PALLD: variants seen among roughly 807,000 people sequenced by gnomAD.
PALLD encodes palladin.
In PALLD, 61 loss-of-function variants were observed where a neutral mutation model predicts 123.5. The ratio of observed to expected loss-of-function variants is 0.49; its 90% confidence interval spans 0.40 to 0.61. The LOEUF (loss-of-function observed/expected upper bound fraction) is 0.61, where lower values mean the gene tolerates loss of function less well. PALLD is among the 20% of genes least tolerant of loss of function. PALLD has a pLI of 0.00. For synonymous variants in PALLD, 465 were observed against 496.4 expected (o/e 0.94, Z 0.84); for missense variants, 1,273 against 1,377.0 (o/e 0.92, Z 1.20).
intron 2 of PALLD, among the ~76,000 whole-genome samples, chr4:168,626,046 G>A (rs1030311714): frequency 4.0e-5 from 6 of 151,596 alleles, no homozygotes; most frequent in Admixed American, 2.0e-4. Flanking sequence ...GGCGGATCAC[G>A]AGGTCAGGAG....
intron 2 of PALLD, among the ~76,000 whole-genome samples, chr4:168,640,440 A>G (rs530959886): frequency 1.7e-4 from 26 of 152,268 alleles, no homozygotes; most frequent in Admixed American, 1.3e-3. Flanking sequence ...CTTCTCCCTC[A>G]TGGCTCCAGG....
Position 168,637,943 on chromosome 4 carries a change from CAAAAAAAAA to C in PALLD, c.909-30230_909-30222del, listed in dbSNP as rs11416996. The stretch of plus-strand genomic sequence containing the variant: ...TGAGCAACAGAGGGAGAATACATCT[CAAAAAAAAA>C]AAAAAAAAAAAAAAAATTCTGAGGA... On this transcript the variant is annotated intron_variant, in intron 2 of 21. Coordinates refer to ENST00000505667, the MANE Select transcript of PALLD (RefSeq NM_001166108.2). 9.9e-5 allele frequency among the ~76,000 whole-genome samples: 6 copies of C among 60,444 alleles called. No homozygotes were observed. The East Asian group carries it at 2.2e-3, about 22-fold the overall frequency. 39.7% of individuals were successfully genotyped at this position (60,444 alleles called of 152,430 possible).
chr4:168,535,239 T>C (rs1386692870), intron 2 of PALLD, among the ~76,000 whole-genome samples: 1 of 152,194 alleles, frequency 6.6e-6, no homozygotes, highest in Non-Finnish European at 1.5e-5. Flanking sequence ...ATTATTTCCT[T>C]ATGTAGGTTT....
At chr4:168,888,498 C>T (rs867211013) in intron 10 of PALLD, among the ~76,000 whole-genome samples, 3 of 152,152 alleles carry the variant, frequency 2.0e-5, no homozygotes, top group South Asian at 2.1e-4. Context: ...TATGGGTTCT[C>T]CTCTTACAGT....
In PALLD at chr4:168,512,049, T is replaced by C; in HGVS notation, c.545T>C (p.Ile182Thr). The part of the protein sequence containing the change: ...AANLIEELTS[I>T]FKAAKPRNRS... ...AATTTAATTGAGGAGCTAACATCCA[T>C]ATTTAAAGCCGCAAAGCCAAGAAAC... The change falls in exon 2 of 22, where the codon ATA (isoleucine) becomes ACA (threonine). Residue 182 changes from isoleucine to threonine, a missense_variant. This residue lies in a region of PALLD where 944 missense variants were observed against 954.5 expected (regional missense o/e 0.99). Transcript: ENST00000505667. 3.1e-6 allele frequency: 5 copies of C among 1,614,178 alleles called. No homozygotes were observed. The highest frequency in any genetic ancestry group is 4.2e-6 in the Non-Finnish European group (5 of 1,180,036).
chr4:168,559,948 G>A (rs1767702615), intron 2 of PALLD, among the ~76,000 whole-genome samples: 1 of 151,978 alleles, frequency 6.6e-6, no homozygotes, highest in Non-Finnish European at 1.5e-5. Flanking sequence ...ATGCAAGCAA[G>A]CAGTATATAA....
At chr4:168,805,125 C>G (rs555324362) in intron 10 of PALLD, among the ~76,000 whole-genome samples, 2 of 150,640 alleles carry the variant, frequency 1.3e-5, no homozygotes, top group African/African-American at 4.9e-5. Flanking sequence ...GCCATTACAT[C>G]TCAGCCTGGG....
At chr4:168,793,193 A>ATATATATACATATATG (rs1561529430) in intron 10 of PALLD, among the ~76,000 whole-genome samples, 3 of 94,982 alleles carry the variant, frequency 3.2e-5, no homozygotes, top group African/African-American at 1.2e-4. Context: ...ATACATATAT[A>ATATATATACATATATG]TGTGTGCATA....
chr4:168,894,933 C>T (rs1220182660), intron 12 of PALLD, among the ~76,000 whole-genome samples: 2 of 152,192 alleles, frequency 1.3e-5, no homozygotes, highest in East Asian at 1.9e-4. Context: ...CTTTCCAGTA[C>T]ATTTCCATTT....
intron 2 of PALLD, among the ~76,000 whole-genome samples, chr4:168,521,054 A>T (rs1192837963): frequency 6.6e-6 from 1 of 152,148 alleles, no homozygotes. Context: ...AAAGGTAGAG[A>T]TTTTTTAATG....
intron 1 of PALLD, among the ~76,000 whole-genome samples, chr4:168,503,539 CAGG>C (rs1359913176): frequency 6.6e-6 from 1 of 151,014 alleles, no homozygotes; most frequent in Non-Finnish European, 1.5e-5. Context: ...CCCAGCTACT[CAGG>C]AGGCTGAGGC....
In PALLD at chr4:168,867,055, C is replaced by A. The variant is rs373734589; in HGVS notation, c.1965-23867C>A. Among the ~76,000 whole-genome samples, 325 of 152,290 alleles carry A rather than the reference C, an allele frequency of 2.1e-3. 1 individual carries two copies. The highest frequency in any genetic ancestry group is 4.1e-3 in the Non-Finnish European group (276 of 68,026). ...ACGTCATGGTCATGAGCCAGAGCTC[C>A]TCAGTTTAAATCCCGTCTCCACTTC... On this transcript the variant is annotated intron_variant, in intron 10 of 21. Transcript: ENST00000505667.
At chr4:168,819,922 A>T (rs967705969) in intron 10 of PALLD, among the ~76,000 whole-genome samples, 1 of 152,260 alleles carries the variant, frequency 6.6e-6, no homozygotes, top group South Asian at 2.1e-4. Context: ...AGGGTCTCAT[A>T]AAGAGTTAAT....
At chr4:168,813,552 G>T (rs1741474383) in intron 10 of PALLD, among the ~76,000 whole-genome samples, 1 of 152,082 alleles carries the variant, frequency 6.6e-6, no homozygotes, top group African/African-American at 2.4e-5. Context: ...CAAACTCCTG[G>T]ACTCAAGCAA....
In PALLD at chr4:168,746,380, C is replaced by CAAAAAAAAAAAA. The variant is rs747755592; in HGVS notation, c.1964+34476_1964+34487dup. Among the ~76,000 whole-genome samples, 185 of 37,008 alleles carry CAAAAAAAAAAAA rather than the reference C, an allele frequency of 5.0e-3. 26 individuals carry two copies. The highest frequency in any genetic ancestry group is 6.3e-3 in the African/African-American group (82 of 12,926). 24.3% of individuals were successfully genotyped at this position (37,008 alleles called of 152,430 possible). On this transcript the variant is annotated intron_variant, in intron 10 of 21. Coordinates refer to ENST00000505667, the MANE Select transcript of PALLD (RefSeq NM_001166108.2). ...TGGGCGACAGAGCGAGAACCCGTCT[C>CAAAAAAAAAAAA]AAAAAAAAAAAAAAAAAAAAAAAAA...
chr4:168,497,392 C>G (rs1294357677), intron 1 of PALLD, among the ~76,000 whole-genome samples, 198 bp downstream of exon 1: 1 of 152,166 alleles, frequency 6.6e-6, no homozygotes. Context: ...TAAGATTTGC[C>G]TGCCCACTTC....
At chr4:168,801,755 G>T (rs192325373) in intron 10 of PALLD, among the ~76,000 whole-genome samples, 1 of 152,148 alleles carries the variant, frequency 6.6e-6, no homozygotes, top group Admixed American at 6.5e-5. Context: ...TTAACACCCC[G>T]TCGTGCTTGC....
chr4:168,708,027 G>A (rs1207930284), intron 8 of PALLD, among the ~76,000 whole-genome samples: 3 of 152,176 alleles, frequency 2.0e-5, no homozygotes, highest in Non-Finnish European at 4.4e-5. Flanking sequence ...AGTAGGTGGT[G>A]GTTAGGGTTT....
intron 10 of PALLD, among the ~76,000 whole-genome samples, chr4:168,800,848 T>G (rs1171448966): frequency 6.6e-6 from 1 of 152,002 alleles, no homozygotes; most frequent in Non-Finnish European, 1.5e-5. Context: ...AACCCCAAAC[T>G]GGAAATATTC....
Sources: allele counts gnomAD v4.1 joint callset (sites outside exome capture counted in the v4.1 genomes callset), GRCh38; gene constraint gnomAD v4.1.1; regional missense constraint gnomAD v4.1.1; transcripts MANE v1.5; gene names NCBI Gene and HGNC (gene_info 2026-07-23, HGNC 2026-07-21).